AKT3: variants seen among roughly 807,000 people sequenced by gnomAD.
AKT3 encodes the protein AKT serine/threonine kinase 3.
AKT3 carries 15 observed loss-of-function variants against 65.3 expected under a neutral mutation model. The ratio of observed to expected loss-of-function variants is 0.23; its 90% CI spans 0.15 to 0.35. AKT3 has a LOEUF of 0.35. AKT3 is among the 10% of genes least tolerant of loss of function. The pLI is 1.00. For missense variants in AKT3, 243 were observed against 576.5 expected, an observed-to-expected ratio of 0.42 and a Z score of 5.92; for synonymous variants, 206 against 183.8, an observed-to-expected ratio of 1.12 and a Z score of -0.98.
At chr1:243,780,472 A>G (rs1170588502) in intron 2 of AKT3, among the ~76,000 whole-genome samples, 1 of 151,888 alleles carries the variant, frequency 6.6e-6, no homozygotes, top group Non-Finnish European at 1.5e-5. Flanking sequence ...GCACTTAAGT[A>G]TATAAGACTA....
intron 2 of AKT3, among the ~76,000 whole-genome samples, chr1:243,836,077 T>C (rs1694872571): frequency 6.6e-6 from 1 of 152,004 alleles, no homozygotes; most frequent in Admixed American, 6.6e-5. Flanking sequence ...AAAACTCCCA[T>C]TTAAAAGGTA....
intron 2 of AKT3, among the ~76,000 whole-genome samples, chr1:243,768,002 A>G (rs1438258345): frequency 6.6e-6 from 1 of 151,796 alleles, no homozygotes; most frequent in African/African-American, 2.4e-5. Context: ...AGAGAGGGGG[A>G]AAAAAATAAA....
chr1:243,684,668 TACCCAGTA>T (rs1684160175), intron 3 of AKT3, among the ~76,000 whole-genome samples: 1 of 152,224 alleles, frequency 6.6e-6, no homozygotes, highest in Non-Finnish European at 1.5e-5. Flanking sequence ...TTTGGGTGTA[TACCCAGTA>T]ATGGAATTGC....
chr1:243,810,185 C>G (rs1217499641), intron 2 of AKT3, among the ~76,000 whole-genome samples: 1 of 152,052 alleles, frequency 6.6e-6, no homozygotes, highest in Non-Finnish European at 1.5e-5. Context: ...GAGAGCAGAA[C>G]TGAAGGAGAT....
At chr1:243,728,011 A>G (rs1193634922) in intron 2 of AKT3, among the ~76,000 whole-genome samples, 1 of 152,216 alleles carries the variant, frequency 6.6e-6, no homozygotes, top group Non-Finnish European at 1.5e-5. Context: ...GTCCTATGAC[A>G]TTAATAGTTT....
intron 2 of AKT3, among the ~76,000 whole-genome samples, chr1:243,805,876 A>G (rs1692693057): frequency 6.6e-6 from 1 of 152,220 alleles, no homozygotes; most frequent in Non-Finnish European, 1.5e-5. Context: ...ATCTATCATT[A>G]AAACTGTGTT....
intron 6 of AKT3, among the ~76,000 whole-genome samples, chr1:243,634,497 C>G (rs320332): frequency 2.0e-5 from 3 of 151,470 alleles, no homozygotes; most frequent in Non-Finnish European, 4.4e-5. Flanking sequence ...TATTGTGATA[C>G]AAGTTATTGT....
At chr1:243,632,336 A>C (rs1273155832) in intron 6 of AKT3, among the ~76,000 whole-genome samples, 2 of 152,238 alleles carry the variant, frequency 1.3e-5, no homozygotes, top group Admixed American at 1.3e-4. Context: ...GTATATCTCC[A>C]TCAGAGCTTT....
chr1:243,611,727 T>C (rs180915848), intron 8 of AKT3, among the ~76,000 whole-genome samples: 42 of 152,130 alleles, frequency 2.8e-4, no homozygotes, highest in African/African-American at 9.6e-4. Context: ...ACAACATCCA[T>C]TTTCTTCGTA....
chr1:243,789,342 T>A (rs1490281144), intron 2 of AKT3, among the ~76,000 whole-genome samples: 2 of 152,324 alleles, frequency 1.3e-5, no homozygotes, highest in East Asian at 3.9e-4. Context: ...GCTAGGATCG[T>A]GCCACTGTAT....
chr1:243,834,779 A>C (rs1228195380), intron 2 of AKT3, among the ~76,000 whole-genome samples: 1 of 152,176 alleles, frequency 6.6e-6, no homozygotes, highest in Non-Finnish European at 1.5e-5. Flanking sequence ...GTGAAAAAAA[A>C]TATCAGACAG....
At chr1:243,693,243 GATAT>G (rs1172388560) in intron 3 of AKT3, among the ~76,000 whole-genome samples, 88 of 45,320 alleles carry the variant, frequency 1.9e-3, no homozygotes, top group South Asian at 5.6e-3. Context: ...GCTACAATTT[GATAT>G]ATATATATAT....
intron 2 of AKT3, among the ~76,000 whole-genome samples, chr1:243,753,193 T>C (rs1008671414): frequency 7.2e-5 from 11 of 152,210 alleles, no homozygotes; most frequent in African/African-American, 2.4e-4. Flanking sequence ...GCCTAAACCT[T>C]TTTAAAAGTA....
intron 5 of AKT3, among the ~76,000 whole-genome samples, chr1:243,640,317 T>C (rs1465370200): frequency 6.6e-6 from 1 of 152,128 alleles, no homozygotes; most frequent in Non-Finnish European, 1.5e-5. Context: ...TTGTGCTAGG[T>C]AGTCTGCAAA....
At chr1:243,528,705 C>G (rs1021726515) in intron 12 of AKT3, among the ~76,000 whole-genome samples, 8 of 152,186 alleles carry the variant, frequency 5.3e-5, no homozygotes, top group African/African-American at 1.9e-4. Flanking sequence ...GTACTACATT[C>G]TTTATCCAAT....
chr1:243,618,320 G>A (rs1302055908), intron 6 of AKT3, among the ~76,000 whole-genome samples: 1 of 152,078 alleles, frequency 6.6e-6, no homozygotes, highest in Non-Finnish European at 1.5e-5. Context: ...TTTTACAGCT[G>A]ATCAGATTAG....
intron 2 of AKT3, among the ~76,000 whole-genome samples, chr1:243,842,081 T>C (rs759172086): frequency 6.6e-6 from 1 of 152,048 alleles, no homozygotes; most frequent in African/African-American, 2.4e-5. Flanking sequence ...GTTTTCAGAG[T>C]GTTTGTTACA....
chr1:243,490,417 G>C (rs1398162546), intron 13 of AKT3, among the ~76,000 whole-genome samples: 2 of 152,196 alleles, frequency 1.3e-5, no homozygotes, highest in Non-Finnish European at 2.9e-5. Context: ...GCAGGGCCCT[G>C]GAACCTGAAT....
chr1:243,529,041 C>A (rs1671341736), intron 12 of AKT3, among the ~76,000 whole-genome samples: 1 of 151,952 alleles, frequency 6.6e-6, no homozygotes, highest in Admixed American at 6.6e-5. Flanking sequence ...ATTTACATTT[C>A]TCTAATGATT....
Sources: gnomAD v4.1 joint callset for allele counts (sites outside exome capture counted in the v4.1 genomes callset) on GRCh38, gnomAD v4.1.1 for gene constraint, MANE v1.5 for transcripts, NCBI Gene and HGNC (gene_info 2026-07-23, HGNC 2026-07-21) for gene names.